Variants in SORCS3 observed in about 807,000 individuals in gnomAD.
SORCS3 encodes sortilin related VPS10 domain containing receptor 3, also known as VPS10 domain-containing receptor SorCS3.
SORCS3 carries 57 observed loss-of-function variants against 146.3 expected under a neutral mutation model. The observed-to-expected ratio is 0.39, with a 90% CI of 0.31 to 0.49. The LOEUF is 0.49. Among genes scored for constraint, SORCS3 ranks in the 20% least tolerant of loss-of-function variants. The probability of loss-of-function intolerance (pLI) is 0.92; values close to 1 mark genes in which losing one functional copy is unlikely to be tolerated. For synonymous variants in SORCS3, 653 were observed against 618.5 expected (o/e 1.06, Z -0.83); for missense variants, 1,341 against 1,575.5 (o/e 0.85, Z 2.52).
intron 1 of SORCS3, among the ~76,000 whole-genome samples, chr10:104,668,149 C>CTG (rs147505906): frequency 2.0e-4 from 31 of 151,310 alleles, no homozygotes; most frequent in East Asian, 3.9e-4. Context: ...ATTGCAACAG[C>CTG]TGTGTGTGTG....
intron 1 of SORCS3, among the ~76,000 whole-genome samples, chr10:104,769,831 T>G (rs1302822597): frequency 6.6e-6 from 1 of 152,112 alleles, no homozygotes; most frequent in Non-Finnish European, 1.5e-5. Context: ...AAATGAAGGG[T>G]TTAGGCATGC....
At chr10:104,794,412 A>T (rs2017528004) in intron 1 of SORCS3, among the ~76,000 whole-genome samples, 1 of 152,100 alleles carries the variant, frequency 6.6e-6, no homozygotes, top group African/African-American at 2.4e-5. Context: ...GATGGGAAAG[A>T]CAAACAGCAA....
At chr10:105,207,639 A>T (rs547042027) in intron 16 of SORCS3, among the ~76,000 whole-genome samples, 14 of 152,198 alleles carry the variant, frequency 9.2e-5, no homozygotes, top group Non-Finnish European at 1.9e-4. Flanking sequence ...TGGGAAGGAG[A>T]TTGAGCTGTA....
intron 4 of SORCS3, among the ~76,000 whole-genome samples, chr10:104,993,716 C>T (rs950621733): frequency 6.6e-6 from 1 of 152,126 alleles, no homozygotes; most frequent in Non-Finnish European, 1.5e-5. Flanking sequence ...TAGATCATTA[C>T]TCTTGATATA....
At chr10:104,663,892 G>A (rs146849257) in intron 1 of SORCS3, among the ~76,000 whole-genome samples, 1 of 151,772 alleles carries the variant, frequency 6.6e-6, no homozygotes. Flanking sequence ...CATCCTTCTC[G>A]CCTTCCCCAC....
At chr10:104,873,248 A>G (rs932583901) in intron 2 of SORCS3, among the ~76,000 whole-genome samples, 6 of 152,176 alleles carry the variant, frequency 3.9e-5, no homozygotes, top group Non-Finnish European at 8.8e-5. Flanking sequence ...TCCAGGACCC[A>G]TTTTTCCTCA....
intron 1 of SORCS3, among the ~76,000 whole-genome samples, chr10:104,730,425 G>T (rs2016692628): frequency 6.6e-6 from 1 of 152,174 alleles, no homozygotes; most frequent in African/African-American, 2.4e-5. Flanking sequence ...TGTTAGAGGA[G>T]GTGTTTGTGG....
intron 2 of SORCS3, among the ~76,000 whole-genome samples, chr10:104,858,098 G>A (rs949795632): frequency 9.8e-4 from 149 of 152,180 alleles, no homozygotes; most frequent in African/African-American, 3.4e-3. Flanking sequence ...AGTTTCCAAA[G>A]CTCTAAATTT....
intron 20 of SORCS3, among the ~76,000 whole-genome samples, chr10:105,231,236 G>A (rs1222956252): frequency 6.6e-6 from 1 of 152,164 alleles, no homozygotes; most frequent in Non-Finnish European, 1.5e-5. Flanking sequence ...TCTTCTTTGT[G>A]GAGAAGACCA....
intron 14 of SORCS3, among the ~76,000 whole-genome samples, chr10:105,187,249 A>G (rs2056483146): frequency 6.6e-6 from 1 of 151,974 alleles, no homozygotes. Context: ...CAAGCCTTTC[A>G]ATCTTTGCCG....
chr10:105,177,898 GA>G (rs1465274568), intron 13 of SORCS3, among the ~76,000 whole-genome samples, 167 bp from the exon 14 acceptor site: 3 of 152,092 alleles, frequency 2.0e-5, no homozygotes, highest in Non-Finnish European at 2.9e-5. Context: ...ATGCAGTTTT[GA>G]TCAAATCTCA....
Position 105,147,778 on chromosome 10 carries a change from C to T in SORCS3, c.1464C>T (p.Ile488=), listed in dbSNP as rs775268841. 28 of 1,611,940 alleles carry T rather than the reference C, an allele frequency of 1.7e-5. No homozygotes were observed. In the East Asian group the frequency reaches 5.8e-4, roughly 33 times the overall value. The change falls in exon 9 of 27, where the codon ATC becomes ATT. Residue 488 remains isoleucine, a synonymous_variant. Transcript: ENST00000369701. ...IKSSRGLMGN[I]IIELYEVAGI... ...GCAGCAGAGGTCTAATGGGGAACAT[C>T]ATTATTGAATTGTATGAGGTATGTA...
chr10:104,675,167 T>C (rs912827072), intron 1 of SORCS3, among the ~76,000 whole-genome samples: 1 of 152,244 alleles, frequency 6.6e-6, no homozygotes, highest in Non-Finnish European at 1.5e-5. Context: ...CTGTTGGGTA[T>C]GGTGATAAAT....
At chr10:105,147,124 G>A (rs1468053027) in intron 8 of SORCS3, among the ~76,000 whole-genome samples, 1 of 152,108 alleles carries the variant, frequency 6.6e-6, no homozygotes, top group Non-Finnish European at 1.5e-5. Flanking sequence ...CAGGATTGCA[G>A]GTCTAGAGCC....
At chr10:104,816,186 CA>C (rs1204594240) in intron 1 of SORCS3, among the ~76,000 whole-genome samples, 1 of 152,164 alleles carries the variant, frequency 6.6e-6, no homozygotes, top group East Asian at 1.9e-4. Context: ...GGCCAGCATA[CA>C]GTATTCGCAG....
At chr10:104,981,521 T>C (rs572485072) in intron 4 of SORCS3, among the ~76,000 whole-genome samples, 10 of 152,332 alleles carry the variant, frequency 6.6e-5, no homozygotes, top group Admixed American at 2.0e-4. Flanking sequence ...CACTGATGAC[T>C]GAAACAGCTT....
In SORCS3 at chr10:105,044,600, T is replaced by C. The variant is rs35741964; in HGVS notation, c.1028+1472T>C. On this transcript the variant is annotated intron_variant, in intron 5 of 26. Transcript: ENST00000369701. ...TTCATACCAACATCTTTGGAAGCAATGGCTTCAACCCATTCCGTCTGCATC... is the reference window on the plus strand; with the variant it reads ...TTCATACCAACATCTTTGGAAGCAACGGCTTCAACCCATTCCGTCTGCATC... 4.6e-3 allele frequency among the ~76,000 whole-genome samples: 697 copies of C among 152,186 alleles called. 3 individuals carry two copies. Among genetic ancestry groups the C allele is most frequent in the Non-Finnish European group, 6.1e-3 (412 of 67,988 alleles).
intron 1 of SORCS3, among the ~76,000 whole-genome samples, chr10:104,777,984 G>A (rs1481541046): frequency 1.3e-5 from 2 of 152,054 alleles, no homozygotes; most frequent in Non-Finnish European, 2.9e-5. Context: ...GGGGAGGGAG[G>A]GTTGAAGGTA....
chr10:104,827,146 T>G (rs1466002788), intron 1 of SORCS3, among the ~76,000 whole-genome samples: 1 of 152,218 alleles, frequency 6.6e-6, no homozygotes, highest in African/African-American at 2.4e-5. Flanking sequence ...TCCAGACTCC[T>G]ATTCATGTTG....
Sources: allele counts gnomAD v4.1 joint callset (sites outside exome capture counted in the v4.1 genomes callset), GRCh38; gene constraint gnomAD v4.1.1; transcripts MANE v1.5; gene names NCBI Gene and HGNC (gene_info 2026-07-23, HGNC 2026-07-21).